The following MAGI1 variants were observed in gnomAD, a reference collection of about 807,000 sequenced individuals.
MAGI1 encodes the protein membrane associated guanylate kinase, WW and PDZ domain containing 1.
MAGI1 carries 58 observed loss-of-function variants against 139.9 expected under a neutral mutation model. The observed-to-expected ratio is 0.41, with a 90% CI of 0.34 to 0.52. The LOEUF (loss-of-function observed/expected upper bound fraction) is 0.52, where lower values mean the gene tolerates loss of function less well. MAGI1 is among the 20% of genes least tolerant of loss of function. MAGI1 has a pLI of 0.12. For synonymous variants in MAGI1, 812 were observed against 737.9 expected, an observed-to-expected ratio of 1.10 and a Z score of -1.63; for missense variants, 1,874 against 1,901.6, an observed-to-expected ratio of 0.99 and a Z score of 0.27.
At chr3:65,673,471 G>A (rs748674792) in intron 1 of MAGI1, among the ~76,000 whole-genome samples, 2 of 152,132 alleles carry the variant, frequency 1.3e-5, no homozygotes, top group African/African-American at 2.4e-5. Context: ...AATTTGTTGA[G>A]GTGTACCATA....
intron 1 of MAGI1, among the ~76,000 whole-genome samples, chr3:65,836,150 G>A (rs2042792997): frequency 6.6e-6 from 1 of 152,162 alleles, no homozygotes; most frequent in African/African-American, 2.4e-5. Context: ...AGATGGAAGG[G>A]AGGTACAACC....
rs1392437298 is a variant in MAGI1, at chr3:65,936,249, G to A, written c.313+101747C>T. Among the ~76,000 whole-genome samples, 6 of 152,288 alleles carry A rather than the reference G, an allele frequency of 3.9e-5. No homozygotes were observed. The South Asian group carries it at 1.0e-3, about 26-fold the overall frequency. The stretch of plus-strand genomic sequence containing the variant: ...AGGCCCTAGAAATAACAGGAATATG[G>A]TGGGAGGAAGGGAACTGACTGCAAA... On this transcript the variant is annotated intron_variant, in intron 1 of 22. Transcript: ENST00000402939.
chr3:65,790,699 T>C (rs1353494998), intron 1 of MAGI1, among the ~76,000 whole-genome samples: 1 of 152,198 alleles, frequency 6.6e-6, no homozygotes, highest in African/African-American at 2.4e-5. Flanking sequence ...CAAAGCATCA[T>C]GACATTTCAG....
At chr3:65,772,596 T>C (rs746113188) in intron 1 of MAGI1, among the ~76,000 whole-genome samples, 1 of 152,222 alleles carries the variant, frequency 6.6e-6, no homozygotes, top group Non-Finnish European at 1.5e-5. Flanking sequence ...AGCTGCCACA[T>C]GGAGAACACT....
intron 1 of MAGI1, among the ~76,000 whole-genome samples, chr3:65,665,180 C>A (rs781300120): frequency 6.6e-6 from 1 of 152,144 alleles, no homozygotes; most frequent in Non-Finnish European, 1.5e-5. Flanking sequence ...AACTTACCAG[C>A]CTTACAGAGA....
At chr3:65,621,848 T>G (rs2083685491) in intron 2 of MAGI1, 124 bp downstream of exon 2, 4 of 641,798 alleles carry the variant, frequency 6.2e-6, no homozygotes, top group South Asian at 2.0e-5. Context: ...AGTTAAGGAG[T>G]CACTCAGTAG....
At chr3:65,475,317 G>A (rs1425443244) in intron 4 of MAGI1, among the ~76,000 whole-genome samples, 1 of 152,090 alleles carries the variant, frequency 6.6e-6, no homozygotes, top group East Asian at 1.9e-4. Flanking sequence ...GGGTTCAAGT[G>A]ATTCTCCTGC....
At chr3:65,508,779 T>C (rs1178436673) in intron 2 of MAGI1, among the ~76,000 whole-genome samples, 2 of 151,638 alleles carry the variant, frequency 1.3e-5, no homozygotes, top group Non-Finnish European at 2.9e-5. Flanking sequence ...AACTGGGGAG[T>C]TTTGTTTTTG....
intron 1 of MAGI1, among the ~76,000 whole-genome samples, chr3:65,977,382 G>A (rs1056404581): frequency 3.9e-5 from 6 of 152,032 alleles, no homozygotes; most frequent in African/African-American, 1.4e-4. Flanking sequence ...ACCAGATCAC[G>A]CCACCGCTCA....
Position 65,849,489 on chromosome 3 carries a change from T to A in MAGI1, c.313+188507A>T, listed in dbSNP as rs963598961. Among the ~76,000 whole-genome samples the A allele has an allele frequency of 6.2e-4, 72 of 115,496 alleles. 1 individual carries two copies. Among genetic ancestry groups the A allele is most frequent in the African/African-American group, 2.8e-3 (70 of 25,038 alleles). 75.8% of individuals were successfully genotyped at this position (115,496 alleles called of 152,430 possible). ...CTTTCATATATATATATATATATCA[T>A]CAAATATACATATATATATATCATC... On this transcript the variant is annotated intron_variant, in intron 1 of 22. Transcript: ENST00000402939.
chr3:65,899,120 T>C (rs998451118), intron 1 of MAGI1, among the ~76,000 whole-genome samples: 10 of 152,052 alleles, frequency 6.6e-5, no homozygotes, highest in African/African-American at 2.4e-4. Flanking sequence ...TTTCGCCATG[T>C]TGCCCAGGCT....
intron 1 of MAGI1, among the ~76,000 whole-genome samples, chr3:65,692,274 G>A (rs368306331): frequency 1.6e-4 from 24 of 152,132 alleles, no homozygotes; most frequent in African/African-American, 5.6e-4. Context: ...GACAGATATC[G>A]TTTATTCATT....
intron 1 of MAGI1, among the ~76,000 whole-genome samples, chr3:65,923,154 G>C (rs574043517): frequency 1.3e-5 from 2 of 151,476 alleles, no homozygotes; most frequent in Admixed American, 6.6e-5. Context: ...ACCTATACTT[G>C]CTCTATCCAT....
intron 2 of MAGI1, among the ~76,000 whole-genome samples, chr3:65,582,134 T>G (rs1264335799): frequency 2.0e-5 from 3 of 152,206 alleles, no homozygotes; most frequent in African/African-American, 7.2e-5. Flanking sequence ...TAGACATGAT[T>G]ATAGGCTGTA....
chr3:65,664,882 C>T (rs889460100), intron 1 of MAGI1, among the ~76,000 whole-genome samples: 1 of 152,034 alleles, frequency 6.6e-6, no homozygotes, highest in African/African-American at 2.4e-5. Flanking sequence ...AAATGACCTC[C>T]AATTGTAGTG....
At chr3:65,928,325 G>C (rs1419378952) in intron 1 of MAGI1, among the ~76,000 whole-genome samples, 1 of 152,216 alleles carries the variant, frequency 6.6e-6, no homozygotes, top group African/African-American at 2.4e-5. Flanking sequence ...CCTGCCCAGA[G>C]CTGGTTCTTA....
At chr3:65,933,898 G>A (rs1365905751) in intron 1 of MAGI1, among the ~76,000 whole-genome samples, 1 of 152,102 alleles carries the variant, frequency 6.6e-6, no homozygotes, top group East Asian at 1.9e-4. Context: ...GGCCGAGGTG[G>A]GCAGATTACC....
At chr3:65,807,641 C>T (rs1370193378) in intron 1 of MAGI1, among the ~76,000 whole-genome samples, 1 of 152,114 alleles carries the variant, frequency 6.6e-6, no homozygotes, top group African/African-American at 2.4e-5. Flanking sequence ...GCTCTGGGAA[C>T]CCAGCAACCG....
chr3:65,401,581 CAG>C, intron 12 of MAGI1, 111 bp from the exon 13 acceptor site: 1 of 1,554,046 alleles, frequency 6.4e-7, no homozygotes, highest in African/African-American at 1.4e-5. Context: ...TAGCCATCTG[CAG>C]AGTTATGTCA....
Sources: gnomAD v4.1 joint callset for allele counts (sites outside exome capture counted in the v4.1 genomes callset) on GRCh38, gnomAD v4.1.1 for gene constraint, MANE v1.5 for transcripts, NCBI Gene and HGNC (gene_info 2026-07-23, HGNC 2026-07-21) for gene names.